The following POPDC1 variants were observed in gnomAD, a reference collection of about 807,000 sequenced individuals.
The protein encoded by POPDC1 is popeye domain cAMP effector 1.
At chr6:105,122,172 C>G in the POPDC1 span, among the ~76,000 whole-genome samples, 1 of 152,162 alleles carries the variant, frequency 6.6e-6, no homozygotes, top group African/African-American at 2.4e-5. Context: ...CAGTCTCTCC[C>G]AAGGGCTTAC....
chr6:105,125,429 G>C, the POPDC1 span: 2 of 1,614,152 alleles, frequency 1.2e-6, no homozygotes, highest in East Asian at 4.5e-5. Flanking sequence ...CATCAACTGA[G>C]GTTTTATCCT....
the POPDC1 span, among the ~76,000 whole-genome samples, chr6:105,105,532 G>T: frequency 6.6e-6 from 1 of 152,226 alleles, no homozygotes; most frequent in Non-Finnish European, 1.5e-5. Context: ...GGGCTCTCTG[G>T]CCTCATCAGG....
the POPDC1 span, among the ~76,000 whole-genome samples, chr6:105,126,048 A>AC: frequency 6.6e-6 from 1 of 151,880 alleles, no homozygotes; most frequent in Non-Finnish European, 1.5e-5. Context: ...ACATGGTGAA[A>AC]CCCCCATCTC....
chr6:105,121,288 T>TGG, the POPDC1 span, among the ~76,000 whole-genome samples: 1 of 150,968 alleles, frequency 6.6e-6, no homozygotes, highest in Non-Finnish European at 1.5e-5. Context: ...TTTTTTGAGA[T>TGG]GGAGTCTCAT....
At chr6:105,133,436 C>T in the POPDC1 span, 1 of 1,613,872 alleles carries the variant, frequency 6.2e-7, no homozygotes, top group African/African-American at 1.3e-5. Context: ...CAAATATTTG[C>T]TACATGAAAA....
At chr6:105,104,926 G>T in the POPDC1 span, among the ~76,000 whole-genome samples, 1 of 152,146 alleles carries the variant, frequency 6.6e-6, no homozygotes, top group Admixed American at 6.5e-5. Context: ...GCACTTTTCA[G>T]AGCAATTCAC....
At chr6:105,106,500 G>T in the POPDC1 span, among the ~76,000 whole-genome samples, 2 of 152,238 alleles carry the variant, frequency 1.3e-5, no homozygotes, top group South Asian at 4.1e-4. Flanking sequence ...CGAAACAGTG[G>T]ACACCTTTGC....
chr6:105,099,709 T>G, the POPDC1 span: 1 of 152,292 alleles, frequency 6.6e-6, no homozygotes, highest in East Asian at 1.9e-4. Context: ...TGGCCTGTAG[T>G]AAACCCTCTG....
the POPDC1 span, chr6:105,115,762 G>C: frequency 2.5e-6 from 4 of 1,613,984 alleles, no homozygotes; most frequent in Non-Finnish European, 3.4e-6. Context: ...TGGCTATACT[G>C]TTCCTCATTT....
chr6:105,103,474 A>AC, the POPDC1 span, among the ~76,000 whole-genome samples: 75 of 150,470 alleles, frequency 5.0e-4, no homozygotes, highest in East Asian at 4.3e-3. Context: ...GTCTTTAAAA[A>AC]AAAAAAAAAA....
At chr6:105,136,363 C>T in the POPDC1 span, 1 of 152,214 alleles carries the variant, frequency 6.6e-6, no homozygotes, top group Non-Finnish European at 1.5e-5. Context: ...GCCCTCTGAC[C>T]TCGCTCCTTA....
At chr6:105,137,106 C>G in the POPDC1 span, 1 of 151,914 alleles carries the variant, frequency 6.6e-6, no homozygotes, top group African/African-American at 2.4e-5. Context: ...GTCGGCGGGT[C>G]CGGAAGCTCC....
the POPDC1 span, among the ~76,000 whole-genome samples, chr6:105,134,667 T>C: frequency 6.6e-6 from 1 of 152,140 alleles, no homozygotes; most frequent in African/African-American, 2.4e-5. Context: ...AATGGGTATT[T>C]TGAAAGGATG....
At chr6:105,103,130 T>C in the POPDC1 span, among the ~76,000 whole-genome samples, 132,696 of 152,134 alleles carry the variant, frequency 0.87, 58,982 homozygotes, top group Non-Finnish European at 0.96. Flanking sequence ...CTGTGCGACC[T>C]TGGACAAGTT....
chr6:105,131,174 T>C, the POPDC1 span, among the ~76,000 whole-genome samples: 2 of 152,206 alleles, frequency 1.3e-5, no homozygotes, highest in Non-Finnish European at 2.9e-5. Flanking sequence ...CTTTAAAAGT[T>C]ACTCACTTGC....
At chr6:105,128,249 T>C in the POPDC1 span, among the ~76,000 whole-genome samples, 27 of 152,358 alleles carry the variant, frequency 1.8e-4, 1 homozygote, top group Admixed American at 1.6e-3. Flanking sequence ...TGCCCCATAT[T>C]ATCAAACTGG....
chr6:105,105,290 ACCTGGTG>A, the POPDC1 span, among the ~76,000 whole-genome samples: 3 of 152,170 alleles, frequency 2.0e-5, no homozygotes, highest in African/African-American at 4.8e-5. Context: ...TCCAGGGACT[ACCTGGTG>A]CCAGCTGGCT....
chr6:105,116,748 T>C, the POPDC1 span: 2 of 1,610,464 alleles, frequency 1.2e-6, no homozygotes, highest in Non-Finnish European at 8.5e-7. Context: ...TTATTTGTGA[T>C]GTCTTTTCCA....
At chr6:105,129,600 C>A in the POPDC1 span, 1 of 1,237,506 alleles carries the variant, frequency 8.1e-7, no homozygotes, top group Non-Finnish European at 1.1e-6. Flanking sequence ...GTAGTCCTCC[C>A]TTTTCTGAAG....
Sources: gnomAD v4.1 joint callset for allele counts (sites outside exome capture counted in the v4.1 genomes callset) on GRCh38, gnomAD v4.1.1 for gene constraint, MANE v1.5 for transcripts, NCBI Gene and HGNC (gene_info 2026-07-23, HGNC 2026-07-21) for gene names.